The following FANCA variants were observed in gnomAD, a reference collection of about 807,000 sequenced individuals.
The protein encoded by FANCA is FA complementation group A.
In FANCA, 236 loss-of-function variants were observed where a neutral mutation model predicts 194.3. The observed-to-expected ratio is 1.21, with a 90% confidence interval of 1.09 to 1.35. The LOEUF is 1.35. Among genes scored for constraint, FANCA ranks in the 40% most tolerant of loss-of-function variants. The pLI is 0.00. For synonymous variants in FANCA, 1,014 were observed against 715.8 expected (o/e 1.42, Z -6.65); for missense variants, 2,628 against 1,813.9 (o/e 1.45, Z -8.15).
chr16:89,772,111 A>C (rs563506565), intron 22 of FANCA, among the ~76,000 whole-genome samples: 1 of 152,336 alleles, frequency 6.6e-6, no homozygotes, highest in Admixed American at 6.5e-5. Context: ...ATCCCATGCC[A>C]GCCCTCCAGA....
intron 20 of FANCA, among the ~76,000 whole-genome samples, chr16:89,777,800 A>G (rs1267365557): frequency 6.6e-6 from 1 of 152,050 alleles, no homozygotes; most frequent in Non-Finnish European, 1.5e-5. Flanking sequence ...GCTTTCCCAG[A>G]GCTCTTTCAT....
At chr16:89,813,160 A>T (rs2040967181) in intron 3 of FANCA, among the ~76,000 whole-genome samples, 1 of 152,010 alleles carries the variant, frequency 6.6e-6, no homozygotes, top group Non-Finnish European at 1.5e-5. Context: ...CATGCCTGCA[A>T]TCCCAACACC....
intron 18 of FANCA, 150 bp from the exon 19 acceptor site, chr16:89,779,153 C>T (rs1357075822): frequency 1.3e-6 from 1 of 793,984 alleles, no homozygotes; most frequent in Non-Finnish European, 2.1e-6. Context: ...AGTTCCGGGA[C>T]AAGGCATGTG....
At chr16:89,756,762 AAGG>A (rs2038780576) in intron 30 of FANCA, among the ~76,000 whole-genome samples, 2 of 152,178 alleles carry the variant, frequency 1.3e-5, no homozygotes, top group African/African-American at 4.8e-5. Context: ...GGGAAGCTGG[AAGG>A]CTGAAGAGAG....
intron 14 of FANCA, among the ~76,000 whole-genome samples, chr16:89,787,961 C>A (rs772354965): frequency 2.0e-5 from 3 of 151,784 alleles, no homozygotes; most frequent in African/African-American, 7.3e-5. Context: ...GCAACCTGCG[C>A]GTTCCGGGTT....
chr16:89,813,374 C>T (rs1350896966), intron 3 of FANCA, among the ~76,000 whole-genome samples: 1 of 149,970 alleles, frequency 6.7e-6, no homozygotes, highest in Non-Finnish European at 1.5e-5. Flanking sequence ...CACCACGGCT[C>T]TCCAGTCCAG....
At chr16:89,770,817 G>C (rs2039298678) in intron 23 of FANCA, among the ~76,000 whole-genome samples, 183 bp from the exon 24 acceptor site, 1 of 152,146 alleles carries the variant, frequency 6.6e-6, no homozygotes, top group African/African-American at 2.4e-5. Flanking sequence ...CCCCAATCTT[G>C]GGAATAGCAG....
At chr16:89,774,751 A>AAAAAAAAAAAAAAAAC (rs2039442419) in intron 21 of FANCA, among the ~76,000 whole-genome samples, 2 of 148,168 alleles carry the variant, frequency 1.3e-5, no homozygotes, top group Non-Finnish European at 3.0e-5. Flanking sequence ...AAAAAAAAAA[A>AAAAAAAAAAAAAAAAC]AAATCTCAAC....
chr16:89,771,835 T>C (rs375725600), intron 22 of FANCA, 21 bp from the exon 23 acceptor site: 69 of 1,612,968 alleles, frequency 4.3e-5, no homozygotes, highest in Non-Finnish European at 5.5e-5. Context: ...AGAAACTAGT[T>C]AGGGATGACA....
intron 31 of FANCA, among the ~76,000 whole-genome samples, chr16:89,751,616 A>G (rs1015639123): frequency 1.3e-5 from 2 of 152,166 alleles, no homozygotes; most frequent in African/African-American, 4.8e-5. Flanking sequence ...GGCCTGGCAC[A>G]GAAGACGCAC....
Position 89,792,101 on chromosome 16 carries a change from C to G in FANCA, c.1084-33G>C, listed in dbSNP as rs1294322297. On this transcript the variant is annotated intron_variant, in intron 12 of 42. Coordinates refer to ENST00000389301, the MANE Select transcript of FANCA (RefSeq NM_000135.4). ...AAAAGCATCCGCTCCCTTCAATATC[C>G]AAGCAAACCAATGTGCGACAGATGA... The G allele has an allele frequency of 2.5e-6, 4 of 1,613,866 alleles. No homozygotes were observed. The South Asian group carries it at 4.4e-5, about 18-fold the overall frequency.
At chr16:89,765,127 G>C in intron 27 of FANCA, 61 bp from the exon 28 acceptor site, 1 of 1,586,222 alleles carries the variant, frequency 6.3e-7, no homozygotes, top group Non-Finnish European at 8.6e-7. Flanking sequence ...GAGTGGCTGA[G>C]CAAATGCTCA....
chr16:89,777,196 G>A (rs1598123763), intron 20 of FANCA, among the ~76,000 whole-genome samples: 4 of 146,592 alleles, frequency 2.7e-5, no homozygotes, highest in South Asian at 4.4e-4. Flanking sequence ...CTTGGGAGGC[G>A]GAGGGGGAAG....
At chr16:89,806,282 A>C (rs1415257915) in intron 6 of FANCA, among the ~76,000 whole-genome samples, 1 of 149,636 alleles carries the variant, frequency 6.7e-6, no homozygotes, top group African/African-American at 2.5e-5. Flanking sequence ...CTCTGCTACT[A>C]CTGGGTAGAG....
chr16:89,792,717 G>C (rs997542153), intron 11 of FANCA, 170 bp from the exon 12 acceptor site: 9 of 603,178 alleles, frequency 1.5e-5, no homozygotes, highest in Non-Finnish European at 2.4e-5. Flanking sequence ...AGCTGGGCCC[G>C]GGGGACCACT....
At chr16:89,789,907 G>T (rs530267810) in intron 14 of FANCA, among the ~76,000 whole-genome samples, 1 of 152,202 alleles carries the variant, frequency 6.6e-6, no homozygotes, top group South Asian at 2.1e-4. Flanking sequence ...GAGGTCTCAG[G>T]AGCTCAGACT....
Position 89,742,837 on chromosome 16 carries a change from C to T in FANCA, c.3728G>A (p.Arg1243Lys), listed in dbSNP as rs771838235. ...AIQQVREENIRKQLKKLDCER... is the reference protein window; with the variant it reads ...AIQQVREENIKKQLKKLDCER... Reference sequence around the variant, plus strand: ...GCAGTCCAGCTTCTTTAGCTGCTTCCTGATGTTTTCTTCCCTGACTTGTTG... The same window carrying T: ...GCAGTCCAGCTTCTTTAGCTGCTTCTTGATGTTTTCTTCCCTGACTTGTTG... Residue 1243 changes from arginine to lysine, a missense_variant, in exon 37 of 43, where the codon AGG (arginine) becomes AAG (lysine). By Grantham distance (26) the Arg-to-Lys change is conservative. Coordinates refer to ENST00000389301, the MANE Select transcript of FANCA (RefSeq NM_000135.4). 1.9e-6 allele frequency: 3 copies of T among 1,614,158 alleles called. No homozygotes were observed. The highest frequency in any genetic ancestry group is 8.5e-7 in the Non-Finnish European group (1 of 1,180,028).
In FANCA at chr16:89,783,010, G is replaced by C; in HGVS notation, c.1563C>G (p.Leu521=). 6.2e-7 allele frequency: 1 copy of C among 1,613,982 alleles called. No homozygotes were observed. Among genetic ancestry groups the C allele is most frequent in the Non-Finnish European group, 8.5e-7 (1 of 1,179,834 alleles). The part of the protein sequence containing the change: ...ISLAKTRLAD[L]KVSIENMGLY... ...TGGGCATGGAGGGACAGCTTGCCTT[G>C]AGGTCGGCCAGCCGTGTCTTGGCCA... Residue 521 remains leucine (L), a synonymous_variant, in exon 16 of 43, where the codon CTC becomes CTG. Transcript: ENST00000389301.
chr16:89,738,710 T>G lies in FANCA; in HGVS notation c.4261-2A>C, dbSNP rs915983602. The G allele has an allele frequency of 1.1e-5, 18 of 1,613,838 alleles. No individual in the cohort carries two copies. The highest frequency in any genetic ancestry group is 1.6e-4 in the Middle Eastern group (1 of 6,062). On this transcript the variant is annotated splice_acceptor_variant, in intron 42 of 42. Transcript: ENST00000389301. LOFTEE classifies it high-confidence loss of function. ...GCAGTCCCCACGATCAGCCAGCAGC[T>G]GTGAGAGAGGAGCAGGTCCTCAGCC...
Sources: gnomAD v4.1 joint callset for allele counts (sites outside exome capture counted in the v4.1 genomes callset) on GRCh38, gnomAD v4.1.1 for gene constraint, MANE v1.5 for transcripts, NCBI Gene and HGNC (gene_info 2026-07-23, HGNC 2026-07-21) for gene names.